YAF2: variants seen among roughly 807,000 people sequenced by gnomAD.
The protein encoded by YAF2 is YY1 associated factor 2.
In YAF2, 7 loss-of-function variants were observed where a neutral mutation model predicts 20.1. The observed-to-expected ratio is 0.35, with a 90% CI of 0.20 to 0.65. The LOEUF (loss-of-function observed/expected upper bound fraction) is 0.65, where lower values mean the gene tolerates loss of function less well. Among genes scored for constraint, YAF2 ranks in the 30% least tolerant of loss-of-function variants. The pLI is 0.69. For synonymous variants in YAF2, 74 were observed against 76.0 expected (o/e 0.97, Z 0.14); for missense variants, 151 against 219.2 (o/e 0.69, Z 1.96).
At chr12:42,178,428 A>G (rs2137034306) in intron 2 of YAF2, among the ~76,000 whole-genome samples, 1 of 152,338 alleles carries the variant, frequency 6.6e-6, no homozygotes, top group East Asian at 1.9e-4. Context: ...GAAGCAAATT[A>G]TTACATTTCA....
chr12:42,210,469 A>C (rs1043106078), intron 2 of YAF2: 1 of 1,535,558 alleles, frequency 6.5e-7, no homozygotes. Context: ...GGGGGCATGC[A>C]GTACAGACGT....
chr12:42,201,217 A>G (rs137882252), intron 2 of YAF2, among the ~76,000 whole-genome samples: 1 of 152,302 alleles, frequency 6.6e-6, no homozygotes, highest in Non-Finnish European at 1.5e-5. Flanking sequence ...CAACTGTTCA[A>G]GTTTCTCTAG....
chr12:42,216,681 G>A (rs1018141791), intron 2 of YAF2, among the ~76,000 whole-genome samples: 2 of 152,048 alleles, frequency 1.3e-5, no homozygotes, highest in African/African-American at 4.8e-5. Context: ...TATCAAATAT[G>A]TATTTACAGC....
At chr12:42,186,439 G>C (rs1340454692) in intron 2 of YAF2, among the ~76,000 whole-genome samples, 1 of 151,858 alleles carries the variant, frequency 6.6e-6, no homozygotes, top group Non-Finnish European at 1.5e-5. Context: ...TTCCTGAGGG[G>C]GGCAGAGGGG....
At chr12:42,185,357 C>T (rs2137068238) in intron 2 of YAF2, among the ~76,000 whole-genome samples, 1 of 152,296 alleles carries the variant, frequency 6.6e-6, no homozygotes, top group South Asian at 2.1e-4. Flanking sequence ...ATGCTGTGAA[C>T]ACAGTTTAAA....
chr12:42,186,504 C>T (rs1436446565), intron 2 of YAF2, among the ~76,000 whole-genome samples: 1 of 151,928 alleles, frequency 6.6e-6, no homozygotes, highest in Non-Finnish European at 1.5e-5. Flanking sequence ...GGTGAAACCC[C>T]GTCTCTACTA....
At chr12:42,231,809 T>G (rs1184299445) in intron 2 of YAF2, 1 of 152,246 alleles carries the variant, frequency 6.6e-6, no homozygotes, top group Non-Finnish European at 1.5e-5. Flanking sequence ...TTTTCAAAAA[T>G]TCTAATTTTC....
chr12:42,174,663 G>T (rs528652077), intron 2 of YAF2, among the ~76,000 whole-genome samples: 10 of 152,200 alleles, frequency 6.6e-5, no homozygotes, highest in African/African-American at 2.4e-4. Context: ...ATTTTTTTAT[G>T]CATGCTAAAA....
intron 2 of YAF2, among the ~76,000 whole-genome samples, chr12:42,223,658 A>T (rs1234705147): frequency 1.3e-5 from 2 of 152,010 alleles, no homozygotes; most frequent in Non-Finnish European, 2.9e-5. Flanking sequence ...ACCTCGCCCC[A>T]CCAGAAGTGC....
intron 2 of YAF2, among the ~76,000 whole-genome samples, chr12:42,196,953 A>T (rs775394244): frequency 6.6e-6 from 1 of 152,186 alleles, no homozygotes; most frequent in South Asian, 2.1e-4. Context: ...GAGAGTTACT[A>T]AAGATTTAAG....
intron 2 of YAF2, among the ~76,000 whole-genome samples, chr12:42,207,047 G>A (rs916443085): frequency 6.6e-6 from 1 of 151,744 alleles, no homozygotes; most frequent in Non-Finnish European, 1.5e-5. Context: ...ACCCACTCCT[G>A]AGCCCAACAT....
chr12:42,237,103 A>G (rs2068187894), intron 2 of YAF2, among the ~76,000 whole-genome samples: 1 of 152,244 alleles, frequency 6.6e-6, no homozygotes, highest in Non-Finnish European at 1.5e-5. Context: ...TAAAAACACT[A>G]AATAAAACCT....
At chr12:42,233,523 T>C (rs2068043474) in intron 2 of YAF2, 1 of 973,126 alleles carries the variant, frequency 1.0e-6, no homozygotes, top group Non-Finnish European at 1.2e-6. Context: ...CAGAATTTTG[T>C]TTTTTTGAGA....
chr12:42,182,412 A>C (rs556566923), intron 2 of YAF2, among the ~76,000 whole-genome samples: 2 of 152,230 alleles, frequency 1.3e-5, no homozygotes, highest in Admixed American at 6.5e-5. Flanking sequence ...AATTACAGAC[A>C]ATCTATTTGA....
intron 2 of YAF2, among the ~76,000 whole-genome samples, chr12:42,179,996 C>G (rs1450666086): frequency 6.6e-6 from 1 of 152,036 alleles, no homozygotes; most frequent in African/African-American, 2.4e-5. Context: ...TTTCTGCAAC[C>G]TATAATTCTG....
intron 2 of YAF2, among the ~76,000 whole-genome samples, chr12:42,209,715 A>G (rs1250571865): frequency 3.3e-5 from 5 of 152,222 alleles, no homozygotes; most frequent in Non-Finnish European, 5.9e-5. Flanking sequence ...GCAACATCAT[A>G]AAGAAATGTA....
intron 2 of YAF2, among the ~76,000 whole-genome samples, chr12:42,177,646 C>G (rs1454911179): frequency 2.0e-5 from 3 of 152,172 alleles, no homozygotes; most frequent in African/African-American, 7.2e-5. Flanking sequence ...TGGAGAGATG[C>G]AACTGAGTCC....
At chr12:42,188,076 C>A (rs2066519671) in intron 2 of YAF2, among the ~76,000 whole-genome samples, 1 of 152,188 alleles carries the variant, frequency 6.6e-6, no homozygotes, top group Admixed American at 6.5e-5. Context: ...AGCTAAGCTG[C>A]TCCCAAATTC....
chr12:42,203,824 G>A (rs1445429124), intron 2 of YAF2, among the ~76,000 whole-genome samples: 1 of 152,044 alleles, frequency 6.6e-6, no homozygotes, highest in East Asian at 1.9e-4. Flanking sequence ...AAACAGGTAG[G>A]GTAACTTTCC....
Sources: gnomAD v4.1 joint callset for allele counts (sites outside exome capture counted in the v4.1 genomes callset) on GRCh38, gnomAD v4.1.1 for gene constraint, MANE v1.5 for transcripts, NCBI Gene and HGNC (gene_info 2026-07-23, HGNC 2026-07-21) for gene names.